The following AKAP6 variants were observed in gnomAD, a reference collection of about 807,000 sequenced individuals.
AKAP6 encodes A-kinase anchoring protein 6.
In AKAP6, 58 loss-of-function variants were observed where a neutral mutation model predicts 188.5. The observed-to-expected ratio is 0.31, with a 90% CI of 0.25 to 0.38. The LOEUF is 0.38. Among genes scored for constraint, AKAP6 ranks in the 10% least tolerant of loss-of-function variants. The pLI, the probability that AKAP6 is intolerant of heterozygous loss-of-function variation, is 1.00. For missense variants in AKAP6, 2,710 were observed against 2,740.0 expected, an observed-to-expected ratio of 0.99 and a Z score of 0.24; for synonymous variants, 989 against 998.6, an observed-to-expected ratio of 0.99 and a Z score of 0.18.
intron 12 of AKAP6, among the ~76,000 whole-genome samples, chr14:32,790,051 A>G (rs182940325): frequency 3.9e-5 from 6 of 152,380 alleles, no homozygotes; most frequent in African/African-American, 1.4e-4. Context: ...GCTGAAAAAC[A>G]CAACATGATA....
At chr14:32,456,731 G>A (rs1389429093) in intron 2 of AKAP6, among the ~76,000 whole-genome samples, 1 of 152,210 alleles carries the variant, frequency 6.6e-6, no homozygotes, top group Non-Finnish European at 1.5e-5. Flanking sequence ...ACCAGAGTCA[G>A]AGAAGAGGAT....
At chr14:32,715,852 G>A (rs2030167772) in intron 9 of AKAP6, among the ~76,000 whole-genome samples, 1 of 151,870 alleles carries the variant, frequency 6.6e-6, no homozygotes, top group Admixed American at 6.6e-5. Flanking sequence ...TAAGGAATTA[G>A]TGGCATAAAA....
intron 7 of AKAP6, among the ~76,000 whole-genome samples, chr14:32,605,067 A>C (rs572592153): frequency 6.6e-6 from 1 of 152,130 alleles, no homozygotes; most frequent in Non-Finnish European, 1.5e-5. Flanking sequence ...AAGTGAGAAC[A>C]TGTGGTGTTT....
intron 2 of AKAP6, among the ~76,000 whole-genome samples, chr14:32,510,449 T>TATACACATATATATGTATATATATATAC: frequency 2.0e-3 from 42 of 21,480 alleles, no homozygotes; most frequent in African/African-American, 8.2e-3. Flanking sequence ...TATATATATA[T>TATACACATATATATGTATATATATATAC]ACATATATAT....
intron 2 of AKAP6, among the ~76,000 whole-genome samples, chr14:32,459,793 G>C (rs189394187): frequency 1.9e-3 from 286 of 151,130 alleles, no homozygotes; most frequent in African/African-American, 6.7e-3. Context: ...ACTCAGGGAT[G>C]GAAAATGGGA....
intron 1 of AKAP6, among the ~76,000 whole-genome samples, chr14:32,341,269 A>T (rs1157414782): frequency 1.3e-5 from 2 of 152,006 alleles, no homozygotes; most frequent in Admixed American, 1.3e-4. Context: ...TACCCTTCCT[A>T]TTGGGTATAG....
chr14:32,749,416 T>C (rs1464625922), intron 11 of AKAP6, among the ~76,000 whole-genome samples: 1 of 152,226 alleles, frequency 6.6e-6, no homozygotes, highest in Non-Finnish European at 1.5e-5. Context: ...AAAATGATAC[T>C]GCAAAAGGAA....
At chr14:32,645,633 A>C (rs1295591851) in intron 7 of AKAP6, among the ~76,000 whole-genome samples, 1 of 151,852 alleles carries the variant, frequency 6.6e-6, no homozygotes, top group Non-Finnish European at 1.5e-5. Flanking sequence ...AGGGGAACTT[A>C]CTCCTGTATT....
chr14:32,755,511 AATTATT>A (rs61016268), intron 11 of AKAP6, among the ~76,000 whole-genome samples: 3,627 of 149,062 alleles, frequency 0.024, 131 homozygotes, highest in African/African-American at 0.084. Context: ...AGATTAAGGC[AATTATT>A]ATTATTATTA....
intron 2 of AKAP6, among the ~76,000 whole-genome samples, chr14:32,531,205 ATCTGT>A (rs1326589783): frequency 6.6e-6 from 1 of 152,234 alleles, no homozygotes; most frequent in African/African-American, 2.4e-5. Flanking sequence ...GCACAGTAAT[ATCTGT>A]GGAAAAAAAT....
At chr14:32,718,187 G>T in intron 9 of AKAP6, 2 of 618,514 alleles carry the variant, frequency 3.2e-6, no homozygotes, top group Non-Finnish European at 4.0e-6. Context: ...TAGCTTCTAT[G>T]TATCAATTTT....
intron 2 of AKAP6, among the ~76,000 whole-genome samples, chr14:32,473,342 T>C (rs2891203): frequency 0.55 from 83,343 of 151,592 alleles, 24,772 homozygotes; most frequent in African/African-American, 0.79. Context: ...CAGGTAATAA[T>C]AGAATTACAT....
At chr14:32,700,257 C>G (rs1239753790) in intron 9 of AKAP6, among the ~76,000 whole-genome samples, 1 of 152,132 alleles carries the variant, frequency 6.6e-6, no homozygotes, top group Non-Finnish European at 1.5e-5. Flanking sequence ...AAAGGACTGC[C>G]AGTTCGCTGC....
intron 2 of AKAP6, among the ~76,000 whole-genome samples, chr14:32,526,326 G>A (rs931994880): frequency 4.6e-5 from 7 of 151,994 alleles, no homozygotes; most frequent in East Asian, 1.9e-4. Context: ...TCTGCCTCCC[G>A]GGGTCAAGTG....
At chr14:32,731,657 A>G (rs1451628567) in intron 9 of AKAP6, among the ~76,000 whole-genome samples, 1 of 152,160 alleles carries the variant, frequency 6.6e-6, no homozygotes, top group East Asian at 1.9e-4. Flanking sequence ...ACATTTATAA[A>G]GTACAGTCAT....
At chr14:32,598,000 T>C (rs1430436105) in intron 5 of AKAP6, among the ~76,000 whole-genome samples, 2 of 152,164 alleles carry the variant, frequency 1.3e-5, no homozygotes, top group Non-Finnish European at 2.9e-5. Flanking sequence ...AGTAACATGT[T>C]CAGTTGCCCT....
chr14:32,535,951 G>A (rs905104929), intron 3 of AKAP6, 146 bp downstream of exon 3: 73 of 1,210,892 alleles, frequency 6.0e-5, no homozygotes, highest in Admixed American at 2.6e-5. Flanking sequence ...GTGACTAGAA[G>A]CTAGGGCACT....
At chr14:32,402,017 A>T (rs1443592065) in intron 1 of AKAP6, 1 of 152,216 alleles carries the variant, frequency 6.6e-6, no homozygotes, top group African/African-American at 2.4e-5. Context: ...CTCTTTATTC[A>T]GAACATCAAG....
At chr14:32,581,296 G>A (rs1031433035) in intron 5 of AKAP6, among the ~76,000 whole-genome samples, 1 of 152,156 alleles carries the variant, frequency 6.6e-6, no homozygotes, top group Non-Finnish European at 1.5e-5. Context: ...CCATGTAGTT[G>A]AGCGGTTTTG....
Sources: gnomAD v4.1 joint callset for allele counts (sites outside exome capture counted in the v4.1 genomes callset) on GRCh38, gnomAD v4.1.1 for gene constraint, MANE v1.5 for transcripts, NCBI Gene and HGNC (gene_info 2026-07-23, HGNC 2026-07-21) for gene names.